Variants in ARPC1A observed in about 807,000 individuals in gnomAD.
ARPC1A encodes actin-related protein 2/3 complex subunit 1A.
In ARPC1A, 8 loss-of-function variants were observed where a neutral mutation model predicts 46.9. That is an observed-to-expected ratio of 0.17 (90% CI 0.10 to 0.31). The LOEUF is 0.31. ARPC1A is among the 10% of genes least tolerant of loss of function. The pLI is 1.00. For synonymous variants in ARPC1A, 152 were observed against 169.0 expected (o/e 0.90, Z 0.78); for missense variants, 286 against 483.6 (o/e 0.59, Z 3.83).
At chr7:99,337,601 G>T (rs778026737) in intron 2 of ARPC1A, among the ~76,000 whole-genome samples, 1 of 152,052 alleles carries the variant, frequency 6.6e-6, no homozygotes, top group Non-Finnish European at 1.5e-5. Flanking sequence ...TCCGTTTTGT[G>T]TATTATATTT....
intron 1 of ARPC1A, among the ~76,000 whole-genome samples, chr7:99,327,334 A>G (rs914180392): frequency 3.3e-5 from 5 of 151,638 alleles, no homozygotes; most frequent in African/African-American, 9.7e-5. Context: ...TTTTGGAGAT[A>G]GAGTCTCACT....
intron 6 of ARPC1A, among the ~76,000 whole-genome samples, chr7:99,355,995 G>A (rs185098947): frequency 1.3e-5 from 2 of 152,268 alleles, no homozygotes; most frequent in African/African-American, 2.4e-5. Flanking sequence ...TAAAGTACTT[G>A]GCCAGACATC....
chr7:99,338,104 A>G, intron 2 of ARPC1A, 77 bp from the exon 3 acceptor site: 1 of 1,120,824 alleles, frequency 8.9e-7, no homozygotes, highest in Non-Finnish European at 1.3e-6. Context: ...TCTGCTTTTA[A>G]AACAACTGTG....
intron 8 of ARPC1A, among the ~76,000 whole-genome samples, chr7:99,360,515 C>T (rs530747035): frequency 6.6e-6 from 1 of 152,016 alleles, no homozygotes; most frequent in African/African-American, 2.4e-5. Flanking sequence ...TTAGTAGAGA[C>T]GGAGTTTCAC....
chr7:99,354,520 CAAAA>C (rs149604532), intron 6 of ARPC1A, among the ~76,000 whole-genome samples: 1 of 55,828 alleles, frequency 1.8e-5, no homozygotes. Flanking sequence ...GACTCCGTCT[CAAAA>C]AAAAAAAAAA....
rs774268688 is a variant in ARPC1A, at chr7:99,359,640, C to T, written c.885C>T (p.Arg295=). 32 of 1,614,016 alleles carry T rather than the reference C, an allele frequency of 2.0e-5. No individual in the cohort carries two copies. In the East Asian group the frequency reaches 6.7e-4, roughly 34 times the overall value. Residue 295 remains arginine, a synonymous_variant, in exon 8 of 10, where the codon CGC becomes CGT. Transcript: ENST00000262942. ...KLDIPKQSIQ[R]NMSAMERFRN... is the part of the protein sequence containing the mutation. ...ATATTCCAAAACAGAGCATCCAACG[C>T]AACATGTCTGCCATGGAACGCTTCC...
intron 1 of ARPC1A, among the ~76,000 whole-genome samples, chr7:99,326,824 C>T (rs1465893740): frequency 1.3e-5 from 2 of 152,174 alleles, no homozygotes; most frequent in African/African-American, 4.8e-5. Context: ...CTATCTCCTC[C>T]ACTCTCCCCA....
chr7:99,361,541 G>C (rs998608572), intron 8 of ARPC1A, among the ~76,000 whole-genome samples: 16 of 151,142 alleles, frequency 1.1e-4, no homozygotes, highest in African/African-American at 3.9e-4. Context: ...TCCTTCTATA[G>C]CAAAACTCAC....
rs185100059 is a variant in ARPC1A, at chr7:99,328,561, T to C, written c.-30+2557T>C. Among the ~76,000 whole-genome samples the C allele has an allele frequency of 1.1e-4, 16 of 152,248 alleles. No individual in the cohort carries two copies. In the East Asian group the frequency reaches 2.5e-3, roughly 24 times the overall value. On this transcript the variant is annotated intron_variant, in intron 1 of 9. Transcript: ENST00000262942. ...GACTTGCCCAGGGTTTCATAGCTAG[T>C]GTGTGTCAAAAGCCAGGGTTCAAAC...
intron 5 of ARPC1A, among the ~76,000 whole-genome samples, chr7:99,352,716 G>C (rs1365423449): frequency 6.6e-6 from 1 of 151,718 alleles, no homozygotes; most frequent in Non-Finnish European, 1.5e-5. Flanking sequence ...TGTAATCCCA[G>C]CACTTTGGGA....
chr7:99,352,373 T>A (rs1324442936), intron 5 of ARPC1A, among the ~76,000 whole-genome samples: 1 of 151,964 alleles, frequency 6.6e-6, no homozygotes, highest in African/African-American at 2.4e-5. Flanking sequence ...AGAGTATGGA[T>A]TAGCTAGGCG....
intron 5 of ARPC1A, among the ~76,000 whole-genome samples, chr7:99,349,997 T>C (rs571900539): frequency 2.2e-4 from 34 of 151,854 alleles, no homozygotes; most frequent in Non-Finnish European, 4.4e-5. Context: ...GGCGACAGAG[T>C]AAGACTCCAT....
At chr7:99,326,414 G>T (rs1244042138) in intron 1 of ARPC1A, among the ~76,000 whole-genome samples, 1 of 152,224 alleles carries the variant, frequency 6.6e-6, no homozygotes, top group Non-Finnish European at 1.5e-5. Flanking sequence ...CCCATAGGAT[G>T]TTTGCCTGCT....
rs1008924867 is a variant in ARPC1A, at chr7:99,349,733, G to A, written c.500+774G>A. 1.8e-4 allele frequency among the ~76,000 whole-genome samples: 27 copies of A among 152,210 alleles called. No individual in the cohort carries two copies. In the East Asian group the frequency reaches 2.9e-3, roughly 16 times the overall value. On this transcript the variant is annotated intron_variant, in intron 5 of 9. Transcript: ENST00000262942. ...CGGGTGCCTGTAGTCCCAGCTACTC[G>A]GGAGGCTGAGGCAGGAGAATGGTGT...
intron 2 of ARPC1A, among the ~76,000 whole-genome samples, chr7:99,333,991 C>T (rs1793193701): frequency 6.8e-6 from 1 of 146,746 alleles, no homozygotes; most frequent in African/African-American, 2.5e-5. Flanking sequence ...AATAGAAAAA[C>T]TGTGTGTGTG....
chr7:99,360,865 G>A (rs539651447), intron 8 of ARPC1A, among the ~76,000 whole-genome samples: 27 of 151,386 alleles, frequency 1.8e-4, no homozygotes, highest in African/African-American at 5.8e-4. Context: ...TGCTTGAACC[G>A]GGCAGGTGGA....
At chr7:99,363,698 T>C in intron 9 of ARPC1A, 65 bp downstream of exon 9, 1 of 1,169,492 alleles carries the variant, frequency 8.6e-7, no homozygotes, top group Non-Finnish European at 1.2e-6. Flanking sequence ...TTTTAAGAGA[T>C]AGGCTCCTTC....
intron 8 of ARPC1A, among the ~76,000 whole-genome samples, chr7:99,360,572 C>G (rs1347993912): frequency 6.6e-6 from 1 of 152,124 alleles, no homozygotes; most frequent in African/African-American, 2.4e-5. Flanking sequence ...GGTGATCCAA[C>G]CACCTCAGCC....
chr7:99,346,083 G>T (rs958682562), intron 4 of ARPC1A, among the ~76,000 whole-genome samples: 4 of 152,050 alleles, frequency 2.6e-5, no homozygotes, highest in African/African-American at 9.7e-5. Flanking sequence ...GGGTGTGGTG[G>T]TGCATGCCTG....
Sources: gnomAD v4.1 joint callset for allele counts (sites outside exome capture counted in the v4.1 genomes callset) on GRCh38, gnomAD v4.1.1 for gene constraint, MANE v1.5 for transcripts, NCBI Gene and HGNC (gene_info 2026-07-23, HGNC 2026-07-21) for gene names.